The following ARL8B variants were observed in gnomAD, a reference collection of about 807,000 sequenced individuals.
ARL8B encodes ARF like GTPase 8B, also known as ADP-ribosylation factor-like protein 8B.
ARL8B carries 9 observed loss-of-function variants against 30.6 expected under a neutral mutation model. The observed-to-expected ratio is 0.29, with a 90% CI of 0.18 to 0.51. ARL8B has a LOEUF of 0.51. Ranked by LOEUF, ARL8B falls within the 20% of genes least tolerant of loss-of-function variation. The pLI is 0.97. For synonymous variants in ARL8B, 74 were observed against 76.0 expected, an observed-to-expected ratio of 0.97 and a Z score of 0.14; for missense variants, 130 against 227.2, an observed-to-expected ratio of 0.57 and a Z score of 2.75.
intron 1 of ARL8B, among the ~76,000 whole-genome samples, chr3:5,167,557 C>T (rs773796073): frequency 7.2e-5 from 11 of 152,102 alleles, no homozygotes; most frequent in Non-Finnish European, 1.0e-4. Flanking sequence ...TACTCTTTCC[C>T]CCCCAAGTCA....
At position 5,122,540 on chromosome 3, in the gene ARL8B, C is replaced by G. The variant is rs147122055; in HGVS notation, c.75C>G (p.Leu25=). 1.2e-6 allele frequency: 2 copies of G among 1,612,690 alleles called. No homozygotes were observed. Among genetic ancestry groups the G allele is most frequent in the Non-Finnish European group, 1.7e-6 (2 of 1,179,470 alleles). The change falls in exon 1 of 7, where the codon CTC becomes CTG. Residue 25 remains leucine (L), a synonymous_variant. Coordinates refer to ENST00000256496, the MANE Select transcript of ARL8B (RefSeq NM_018184.3). ...LFWKEEMELT[L]VGLQYSGKTT... ...GGAAGGAAGAGATGGAGCTGACGCT[C>G]GTGGGGCTGCAGTACTCGGGCAAGA...
intron 1 of ARL8B, among the ~76,000 whole-genome samples, chr3:5,154,120 C>G (rs1330327435): frequency 6.6e-6 from 1 of 151,328 alleles, no homozygotes; most frequent in Non-Finnish European, 1.5e-5. Flanking sequence ...TTCTGCTTAC[C>G]CTGCTTAGTG....
At chr3:5,152,241 T>C (rs2054491403) in intron 1 of ARL8B, among the ~76,000 whole-genome samples, 1 of 152,182 alleles carries the variant, frequency 6.6e-6, no homozygotes, top group Admixed American at 6.5e-5. Context: ...AATTTTTGCT[T>C]TATGTGTTTT....
At chr3:5,150,376 T>C (rs2054470796) in intron 1 of ARL8B, among the ~76,000 whole-genome samples, 1 of 150,632 alleles carries the variant, frequency 6.6e-6, no homozygotes, top group African/African-American at 2.5e-5. Flanking sequence ...GGTAGGAGAA[T>C]TGCTTGAACC....
chr3:5,150,031 C>T (rs886559252), intron 1 of ARL8B, among the ~76,000 whole-genome samples: 11 of 152,170 alleles, frequency 7.2e-5, no homozygotes, highest in Non-Finnish European at 1.5e-4. Context: ...TGTTTTAGGA[C>T]AGTGTGTCAG....
intron 1 of ARL8B, among the ~76,000 whole-genome samples, chr3:5,153,428 G>GT (rs1206199446): frequency 6.6e-6 from 1 of 152,130 alleles, no homozygotes; most frequent in Non-Finnish European, 1.5e-5. Context: ...TGCCATCCAT[G>GT]TAAGAGTGAC....
intron 1 of ARL8B, among the ~76,000 whole-genome samples, chr3:5,144,746 T>G (rs1033695760): frequency 6.6e-6 from 1 of 152,204 alleles, no homozygotes; most frequent in Non-Finnish European, 1.5e-5. Flanking sequence ...TCCTACAGCT[T>G]CTATAGTGTT....
chr3:5,153,044 A>G (rs1165939559), intron 1 of ARL8B, among the ~76,000 whole-genome samples: 12 of 151,962 alleles, frequency 7.9e-5, no homozygotes, highest in East Asian at 5.8e-4. Context: ...TAATTTCTCT[A>G]TTGGGGTTTT....
chr3:5,150,449 C>T (rs1347869000), intron 1 of ARL8B, among the ~76,000 whole-genome samples: 3 of 104,008 alleles, frequency 2.9e-5, no homozygotes, highest in Non-Finnish European at 5.7e-5. Flanking sequence ...GGTGACAGAG[C>T]GAGAATCCAT....
intron 1 of ARL8B, among the ~76,000 whole-genome samples, chr3:5,125,437 C>A (rs1042505101): frequency 9.3e-5 from 14 of 151,198 alleles, no homozygotes; most frequent in Admixed American, 8.0e-4. Flanking sequence ...TCATGTGTTC[C>A]CCCCTGCCCC....
At chr3:5,147,184 G>C (rs116258723) in intron 1 of ARL8B, among the ~76,000 whole-genome samples, 4,897 of 152,028 alleles carry the variant, frequency 0.032, 148 homozygotes, top group South Asian at 0.078. Flanking sequence ...CCTACCCCAC[G>C]ACAGGCCCTG....
intron 4 of ARL8B, 94 bp from the exon 5 acceptor site, chr3:5,173,913 AATGTGTTAAC>A: frequency 1.2e-6 from 1 of 857,786 alleles, no homozygotes; most frequent in Admixed American, 1.9e-5. Context: ...AACATTGTGG[AATGTGTTAAC>A]ATCTTAACTT....
intron 1 of ARL8B, among the ~76,000 whole-genome samples, chr3:5,123,721 C>T (rs905174036): frequency 3.9e-5 from 6 of 152,150 alleles, no homozygotes; most frequent in Non-Finnish European, 8.8e-5. Context: ...AAATAGGTAA[C>T]TTGTGATTCT....
rs1291301481 is a variant in ARL8B at position 5,166,101 on chromosome 3, G to A, written c.124-4402G>A. Among the ~76,000 whole-genome samples, 12 of 150,502 alleles carry A rather than the reference G, an allele frequency of 8.0e-5. No homozygotes were observed. In the South Asian group the frequency reaches 1.7e-3, roughly 21 times the overall value. ...TATCACCAGACTGGAGTGCAGTGGC[G>A]TGATCTTGGCTCGCTGCAACCTCCG... On this transcript the variant is annotated intron_variant, in intron 1 of 6. Transcript: ENST00000256496.
chr3:5,172,841 T>C, intron 4 of ARL8B, 101 bp downstream of exon 4: 1 of 801,664 alleles, frequency 1.2e-6, no homozygotes, highest in Non-Finnish European at 2.0e-6. Context: ...CAGTAACATG[T>C]CTTCATTTTT....
chr3:5,142,060 C>T (rs973114813), intron 1 of ARL8B, among the ~76,000 whole-genome samples: 4 of 152,012 alleles, frequency 2.6e-5, no homozygotes, highest in South Asian at 2.1e-4. Context: ...TTTCAGTGGC[C>T]GTGTGTGTTT....
At chr3:5,161,720 T>A (rs888089640) in intron 1 of ARL8B, among the ~76,000 whole-genome samples, 1 of 152,240 alleles carries the variant, frequency 6.6e-6, no homozygotes, top group African/African-American at 2.4e-5. Flanking sequence ...ATTTCTTGAC[T>A]CATTTTCAAG....
intron 1 of ARL8B, among the ~76,000 whole-genome samples, chr3:5,129,859 C>A (rs1032191645): frequency 3.3e-5 from 5 of 151,900 alleles, no homozygotes; most frequent in Non-Finnish European, 7.4e-5. Flanking sequence ...TCTCCACATT[C>A]TCTCTCTCTC....
At chr3:5,169,091 A>G (rs547449842) in intron 1 of ARL8B, among the ~76,000 whole-genome samples, 1 of 152,308 alleles carries the variant, frequency 6.6e-6, no homozygotes, top group African/African-American at 2.4e-5. Context: ...AAATTTTGGT[A>G]AAATACATAA....
Sources: gnomAD v4.1 joint callset for allele counts (sites outside exome capture counted in the v4.1 genomes callset) on GRCh38, gnomAD v4.1.1 for gene constraint, MANE v1.5 for transcripts, NCBI Gene and HGNC (gene_info 2026-07-23, HGNC 2026-07-21) for gene names.